Variants in RAB31 observed in about 807,000 individuals in gnomAD.
RAB31 encodes the protein RAB31, member RAS oncogene family.
RAB31 carries 21 observed loss-of-function variants against 25.6 expected under a neutral mutation model. The observed-to-expected ratio is 0.82, with a 90% CI of 0.58 to 1.18. The LOEUF (loss-of-function observed/expected upper bound fraction) is 1.18, where lower values mean the gene tolerates loss of function less well. RAB31 is among the 50% of genes most tolerant of loss of function. RAB31 has a pLI of 0.00. For synonymous variants in RAB31, 87 were observed against 84.0 expected, an observed-to-expected ratio of 1.04 and a Z score of -0.20; for missense variants, 196 against 250.1, an observed-to-expected ratio of 0.78 and a Z score of 1.46.
chr18:9,728,785 C>G (rs2068107529), intron 1 of RAB31, among the ~76,000 whole-genome samples: 2 of 152,120 alleles, frequency 1.3e-5, no homozygotes, highest in Non-Finnish European at 2.9e-5. Context: ...TGATGCACCC[C>G]TCCTTGGCTT....
chr18:9,712,649 G>A (rs537049989), intron 1 of RAB31, among the ~76,000 whole-genome samples: 36 of 152,330 alleles, frequency 2.4e-4, no homozygotes, highest in African/African-American at 8.4e-4. Context: ...GCAAGAAGCA[G>A]GAGGAAGGGA....
intron 2 of RAB31, among the ~76,000 whole-genome samples, chr18:9,784,869 G>C (rs2068423994): frequency 1.3e-5 from 2 of 152,164 alleles, no homozygotes; most frequent in South Asian, 4.2e-4. Context: ...AGATGATATT[G>C]ATCTATATTC....
rs78912223 is a variant in RAB31, at chr18:9,858,294, G to A, written c.491-934G>A. ...CATTACATCAAATTCACAGGGCGAG[G>A]TGAGGATGGTGTTTGTGAAAATCTT... On this transcript the variant is annotated intron_variant, in intron 6 of 6. Coordinates refer to ENST00000578921, the MANE Select transcript of RAB31 (RefSeq NM_006868.4). 3.8e-3 allele frequency among the ~76,000 whole-genome samples: 575 copies of A among 152,326 alleles called. 3 individuals are homozygous for A. Among genetic ancestry groups the A allele is most frequent in the African/African-American group, 0.013 (556 of 41,558 alleles).
Position 9,708,802 on chromosome 18 carries a change from C to T in RAB31, c.39+358C>T, listed in dbSNP as rs2068000384. Among the ~76,000 whole-genome samples the T allele has an allele frequency of 6.6e-6, 1 of 152,148 alleles. No individual in the cohort carries two copies. On this transcript the variant is annotated intron_variant, in intron 1 of 6. Coordinates refer to ENST00000578921, the MANE Select transcript of RAB31 (RefSeq NM_006868.4). The surrounding 1 kb of genome is among the most constrained non-coding windows in gnomAD (Gnocchi z 6.4). ...GGCCCGCGAGTCCCCGGATCCGCGG[C>T]GACCTCGCGGGGACCCCCAGCGGGG...
intron 1 of RAB31, among the ~76,000 whole-genome samples, chr18:9,739,544 TAAAAAA>T (rs35363534): frequency 9.6e-4 from 143 of 148,442 alleles, no homozygotes; most frequent in South Asian, 3.0e-3. Context: ...TGTAATGTGC[TAAAAAA>T]AAAAAAAAAG....
chr18:9,849,864 G>T (rs995834419), intron 6 of RAB31, among the ~76,000 whole-genome samples: 2 of 152,160 alleles, frequency 1.3e-5, no homozygotes, highest in Admixed American at 1.3e-4. Flanking sequence ...TGTGGTTAGA[G>T]ACTCAGCAGG....
chr18:9,842,668 A>G (rs1181690634), intron 5 of RAB31, among the ~76,000 whole-genome samples: 2 of 152,172 alleles, frequency 1.3e-5, no homozygotes, highest in Admixed American at 1.3e-4. Context: ...ACTGCAGTGC[A>G]TGTGACAGTT....
At chr18:9,737,742 C>T (rs762252310) in intron 1 of RAB31, among the ~76,000 whole-genome samples, 35 of 152,152 alleles carry the variant, frequency 2.3e-4, no homozygotes, top group Non-Finnish European at 4.9e-4. Context: ...AGCAAATTGT[C>T]CTATGCCCAT....
rs2068851799 is a variant in RAB31, at chr18:9,862,162, T to A, written c.*2837T>A. 1 of 152,380 alleles carries A rather than the reference T, an allele frequency of 6.6e-6. No homozygotes were observed. 9.4% of individuals were successfully genotyped at this position (152,380 alleles called of 1,614,324 possible). The stretch of plus-strand genomic sequence containing the variant: ...TGGCATGTGGTGGCTGAAACTGAGC[T>A]TTTTTGTGTGGGCTCCAGTTCTCAC... On this transcript the variant is annotated 3_prime_UTR_variant, in exon 7 of 7. Coordinates refer to ENST00000578921, the MANE Select transcript of RAB31 (RefSeq NM_006868.4).
Position 9,861,020 on chromosome 18 carries a change from A to G in RAB31, c.*1695A>G, listed in dbSNP as rs2143163795. 1 of 151,638 alleles carries G rather than the reference A, an allele frequency of 6.6e-6. No homozygotes were observed. The highest frequency in any genetic ancestry group is 1.5e-5 in the Non-Finnish European group (1 of 67,900). 9.4% of individuals were successfully genotyped at this position (151,638 alleles called of 1,614,324 possible). On this transcript the variant is annotated 3_prime_UTR_variant, in exon 7 of 7. Coordinates refer to ENST00000578921, the MANE Select transcript of RAB31 (RefSeq NM_006868.4). Reference sequence around the variant, plus strand: ...TGACAGGGGCTTTGCAGGGATTTTTAGGGTTTTTTCCACATTGTCCACATT... The same window carrying G: ...TGACAGGGGCTTTGCAGGGATTTTTGGGGTTTTTTCCACATTGTCCACATT...
chr18:9,742,212 A>G (rs1355052244), intron 1 of RAB31, among the ~76,000 whole-genome samples: 1 of 152,152 alleles, frequency 6.6e-6, no homozygotes, highest in East Asian at 1.9e-4. Flanking sequence ...TTGGGTAAGA[A>G]TCGCGATATT....
chr18:9,792,507 T>C (rs1251345439), intron 3 of RAB31, among the ~76,000 whole-genome samples: 3 of 152,152 alleles, frequency 2.0e-5, no homozygotes, highest in Non-Finnish European at 2.9e-5. Flanking sequence ...GCAGTTGTGG[T>C]TGCACTCTCG....
At chr18:9,851,054 G>C (rs929229022) in intron 6 of RAB31, among the ~76,000 whole-genome samples, 2 of 152,118 alleles carry the variant, frequency 1.3e-5, no homozygotes, top group African/African-American at 4.8e-5. Context: ...GTTAGTAGCA[G>C]GTTAAAGTAA....
chr18:9,777,533 G>A (rs1320385659), intron 2 of RAB31, among the ~76,000 whole-genome samples: 1 of 151,990 alleles, frequency 6.6e-6, no homozygotes, highest in Non-Finnish European at 1.5e-5. Flanking sequence ...TACTTTTTAT[G>A]GAAGAAATTG....
At chr18:9,715,092 C>T (rs2068037217) in intron 1 of RAB31, among the ~76,000 whole-genome samples, 1 of 152,150 alleles carries the variant, frequency 6.6e-6, no homozygotes, top group Admixed American at 6.5e-5. Context: ...TCCTGTGCCA[C>T]ACGCACAGGA....
intron 6 of RAB31, chr18:9,856,373 G>A (rs2068815847): frequency 6.6e-6 from 1 of 151,850 alleles, no homozygotes; most frequent in South Asian, 2.1e-4. Context: ...AGACCTTCCT[G>A]GCATCCTACT....
intron 2 of RAB31, among the ~76,000 whole-genome samples, chr18:9,791,698 A>G (rs1332468749): frequency 1.3e-5 from 2 of 152,050 alleles, no homozygotes; most frequent in African/African-American, 2.4e-5. Context: ...GTTTCAAGCA[A>G]TTCTCCTGCC....
chr18:9,818,142 T>A (rs2068608152), intron 5 of RAB31, among the ~76,000 whole-genome samples: 1 of 152,266 alleles, frequency 6.6e-6, no homozygotes, highest in Non-Finnish European at 1.5e-5. Context: ...CCTTTAAAAC[T>A]CTGATTAGGT....
intron 3 of RAB31, among the ~76,000 whole-genome samples, chr18:9,795,542 A>G (rs1255843570): frequency 1.3e-5 from 2 of 152,192 alleles, no homozygotes; most frequent in African/African-American, 4.8e-5. Context: ...CAGCAAGAAC[A>G]AAACAAACAA....
Sources: allele counts gnomAD v4.1 joint callset (sites outside exome capture counted in the v4.1 genomes callset), GRCh38; gene constraint gnomAD v4.1.1; non-coding constraint Gnocchi (gnomAD v3.1); transcripts MANE v1.5; gene names NCBI Gene and HGNC (gene_info 2026-07-23, HGNC 2026-07-21).